Variants in FGF10 observed in about 807,000 individuals in gnomAD.
FGF10 encodes fibroblast growth factor 10, also known as FGF-10.
Under a neutral mutation model 19.8 loss-of-function variants are expected in FGF10, and 2 were observed. The ratio of observed to expected loss-of-function variants is 0.10; its 90% CI spans 0.04 to 0.32. The LOEUF is 0.32. Ranked by LOEUF, FGF10 falls within the 10% of genes least tolerant of loss-of-function variation. The pLI, the probability that FGF10 is intolerant of heterozygous loss-of-function variation, is 1.00. For missense variants in FGF10, 191 were observed against 246.3 expected (o/e 0.78, Z 1.50); for synonymous variants, 112 against 94.0 (o/e 1.19, Z -1.10).
intron 1 of FGF10, among the ~76,000 whole-genome samples, chr5:44,330,222 C>T (rs970791446): frequency 1.3e-5 from 2 of 152,170 alleles, no homozygotes; most frequent in South Asian, 2.1e-4. Context: ...GTTGAGACTT[C>T]GCTTTCTCAA....
intron 1 of FGF10, among the ~76,000 whole-genome samples, chr5:44,379,068 T>C (rs1451116506): frequency 6.6e-6 from 1 of 152,126 alleles, no homozygotes; most frequent in East Asian, 1.9e-4. Flanking sequence ...AAGGCTTCTC[T>C]AGCAGTGCTC....
chr5:44,354,227 T>A (rs1741295352), intron 1 of FGF10, among the ~76,000 whole-genome samples: 1 of 151,120 alleles, frequency 6.6e-6, no homozygotes, highest in Non-Finnish European at 1.5e-5. Flanking sequence ...AAGTAGAGAG[T>A]GGATGGCATG....
At chr5:44,378,729 C>T (rs1579944977) in intron 1 of FGF10, among the ~76,000 whole-genome samples, 1 of 152,160 alleles carries the variant, frequency 6.6e-6, no homozygotes, top group African/African-American at 2.4e-5. Context: ...TGCGCCTGGC[C>T]GATATTTCCC....
At chr5:44,326,606 A>C (rs1325603468) in intron 1 of FGF10, among the ~76,000 whole-genome samples, 2 of 151,344 alleles carry the variant, frequency 1.3e-5, no homozygotes, top group African/African-American at 4.9e-5. Context: ...CAGAGGTCTC[A>C]CTATGTTGCC....
chr5:44,330,629 G>C (rs1227224322), intron 1 of FGF10, among the ~76,000 whole-genome samples: 1 of 152,168 alleles, frequency 6.6e-6, no homozygotes, highest in Non-Finnish European at 1.5e-5. Context: ...GAAATAGGTA[G>C]AGTAAGTCCA....
At chr5:44,357,028 A>G (rs1272739829) in intron 1 of FGF10, among the ~76,000 whole-genome samples, 1 of 151,540 alleles carries the variant, frequency 6.6e-6, no homozygotes, top group Non-Finnish European at 1.5e-5. Flanking sequence ...AACTGTTTGA[A>G]AAAAAGATTA....
intron 1 of FGF10, among the ~76,000 whole-genome samples, chr5:44,341,359 C>T (rs950546115): frequency 8.6e-5 from 13 of 151,814 alleles, no homozygotes; most frequent in African/African-American, 3.1e-4. Context: ...CTACACCACT[C>T]CGTTATACTT....
chr5:44,307,753 T>C (rs571751664), intron 2 of FGF10, among the ~76,000 whole-genome samples: 93 of 152,346 alleles, frequency 6.1e-4, no homozygotes, highest in African/African-American at 2.2e-3. Flanking sequence ...TAAATTTTGA[T>C]GTTAGTTCTA....
At chr5:44,336,040 A>G (rs972632324) in intron 1 of FGF10, among the ~76,000 whole-genome samples, 8 of 152,202 alleles carry the variant, frequency 5.3e-5, no homozygotes, top group Admixed American at 1.3e-4. Context: ...TTGTAGATGA[A>G]TAAGGTAGAA....
chr5:44,340,294 C>T (rs965384392), intron 1 of FGF10, among the ~76,000 whole-genome samples: 3 of 152,042 alleles, frequency 2.0e-5, no homozygotes, highest in Non-Finnish European at 4.4e-5. Context: ...CCTGTCCCTT[C>T]AAGAATTGCC....
chr5:44,335,520 C>A (rs1740828411), intron 1 of FGF10, among the ~76,000 whole-genome samples: 1 of 152,102 alleles, frequency 6.6e-6, no homozygotes, highest in African/African-American at 2.4e-5. Context: ...TTCTATGTGA[C>A]AAATATAATG....
chr5:44,301,112 C>T lies in FGF10; in HGVS notation c.*3883G>A, dbSNP rs962261862. On this transcript the variant is annotated 3_prime_UTR_variant, in exon 3 of 3. Coordinates refer to ENST00000264664, the MANE Select transcript of FGF10 (RefSeq NM_004465.2). ...CTCCTGAGCATCCTTCAAAGATATTCCTCTTCCTTTTTATTTTTTTTTCAG... is the reference window on the plus strand; with the variant it reads ...CTCCTGAGCATCCTTCAAAGATATTTCTCTTCCTTTTTATTTTTTTTTCAG... Among the ~76,000 whole-genome samples the T allele has an allele frequency of 6.6e-6, 1 of 152,128 alleles. No individual in the cohort carries two copies. Among genetic ancestry groups the T allele is most frequent in the African/African-American group, 2.4e-5 (1 of 41,520 alleles).
chr5:44,345,671 T>C (rs1741076544), intron 1 of FGF10, among the ~76,000 whole-genome samples: 1 of 151,252 alleles, frequency 6.6e-6, no homozygotes, highest in Non-Finnish European at 1.5e-5. Flanking sequence ...TACTTGCCTT[T>C]CATCAGGCAC....
intron 2 of FGF10, among the ~76,000 whole-genome samples, chr5:44,307,747 T>C (rs1740116197): frequency 6.6e-6 from 1 of 152,200 alleles, no homozygotes; most frequent in Non-Finnish European, 1.5e-5. Flanking sequence ...CACTTATAAA[T>C]TTTGATGTTA....
chr5:44,379,890 C>G (rs372590075), intron 1 of FGF10, among the ~76,000 whole-genome samples: 1 of 152,176 alleles, frequency 6.6e-6, no homozygotes, highest in African/African-American at 2.4e-5. Context: ...CTACTTTTCC[C>G]TCTGGCTTCT....
intron 1 of FGF10, among the ~76,000 whole-genome samples, chr5:44,366,738 G>A (rs1374167430): frequency 5.3e-5 from 8 of 151,970 alleles, no homozygotes. Flanking sequence ...GAAATTCATT[G>A]GAAAAAGCGT....
At chr5:44,345,633 CAAAA>C (rs199895920) in intron 1 of FGF10, among the ~76,000 whole-genome samples, 3 of 134,422 alleles carry the variant, frequency 2.2e-5, no homozygotes, top group African/African-American at 2.7e-5. Context: ...TTTCTCAGCT[CAAAA>C]AAAAAAAAAA....
At chr5:44,324,598 C>A (rs1463981887) in intron 1 of FGF10, among the ~76,000 whole-genome samples, 2 of 152,078 alleles carry the variant, frequency 1.3e-5, no homozygotes, top group African/African-American at 4.8e-5. Flanking sequence ...AATTGATTTT[C>A]TCAAATCTGA....
intron 1 of FGF10, among the ~76,000 whole-genome samples, chr5:44,380,427 G>T (rs560339779): frequency 3.7e-4 from 56 of 152,118 alleles, no homozygotes; most frequent in Admixed American, 1.6e-3. Context: ...AACTCCTGTT[G>T]GTGTTTCAAA....
Sources: allele counts gnomAD v4.1 joint callset (sites outside exome capture counted in the v4.1 genomes callset), GRCh38; gene constraint gnomAD v4.1.1; transcripts MANE v1.5; gene names NCBI Gene and HGNC (gene_info 2026-07-23, HGNC 2026-07-21).